Variants in MS4A12 observed in about 807,000 individuals in gnomAD.
MS4A12 encodes membrane spanning 4-domains A12.
Under a neutral mutation model 23.7 loss-of-function variants are expected in MS4A12, and 28 were observed. The observed-to-expected ratio is 1.18, with a 90% CI of 0.88 to 1.62. The LOEUF is 1.62. Among genes scored for constraint, MS4A12 ranks in the 40% most tolerant of loss-of-function variants. The probability of loss-of-function intolerance (pLI) is 0.00; values close to 1 mark genes in which losing one functional copy is unlikely to be tolerated. For missense variants in MS4A12, 342 were observed against 327.0 expected (o/e 1.05, Z -0.35); for synonymous variants, 108 against 110.1 (o/e 0.98, Z 0.12).
chr11:60,506,764 T>C lies in MS4A12; in HGVS notation c.625T>C (p.Phe209Leu). The C allele has an allele frequency of 6.2e-7, 1 of 1,614,182 alleles. No homozygotes were observed. The highest frequency in any genetic ancestry group is 1.7e-5 in the Admixed American group (1 of 60,032). ...GKGISATLMI[F>L]SLLEFFVACA... ...AGGCATTTCAGCCACGCTGATGATC[T>C]TCTCCCTCTTGGAGTTCTTCGTAGC... Residue 209 changes from phenylalanine to leucine, a missense_variant, in exon 6 of 7, where the codon TTC becomes CTC. Physicochemically the swap from Phe to Leu is conservative, Grantham distance 22 (BLOSUM62 0). Coordinates refer to ENST00000016913, the MANE Select transcript of MS4A12 (RefSeq NM_017716.3).
At chr11:60,496,283 A>C (rs2135226854) in intron 1 of MS4A12, among the ~76,000 whole-genome samples, 1 of 152,352 alleles carries the variant, frequency 6.6e-6, no homozygotes, top group Middle Eastern at 3.4e-3. Context: ...CTTGATATTC[A>C]TAAGCACAAG....
intron 2 of MS4A12, chr11:60,497,858 C>G: frequency 2.8e-6 from 1 of 352,984 alleles, no homozygotes; most frequent in Non-Finnish European, 5.1e-6. Context: ...TTACATCTAG[C>G]TTGATCTCAT....
At chr11:60,499,735 G>A (rs1228632611) in intron 2 of MS4A12, among the ~76,000 whole-genome samples, 2 of 152,140 alleles carry the variant, frequency 1.3e-5, no homozygotes, top group African/African-American at 4.8e-5. Context: ...AGCAGTCTTT[G>A]TATTTGCAGT....
At chr11:60,497,141 C>T (rs1054932414) in intron 1 of MS4A12, among the ~76,000 whole-genome samples, 172 bp from the exon 2 acceptor site, 16 of 152,142 alleles carry the variant, frequency 1.1e-4, no homozygotes, top group African/African-American at 3.4e-4. Context: ...CAGTCCTTGG[C>T]GTGGGGGTTG....
At chr11:60,504,072 G>A (rs145543512) in intron 5 of MS4A12, among the ~76,000 whole-genome samples, 1,524 of 152,278 alleles carry the variant, frequency 0.01, 87 homozygotes, top group Admixed American at 0.09. Context: ...GGAAGGGTTT[G>A]GATAGGCCTC....
At chr11:60,502,549 T>C (rs1212920670) in intron 4 of MS4A12, among the ~76,000 whole-genome samples, 1 of 152,236 alleles carries the variant, frequency 6.6e-6, no homozygotes, top group Non-Finnish European at 1.5e-5. Context: ...AAGAAGAGTT[T>C]ATAAAAATGA....
intron 2 of MS4A12, among the ~76,000 whole-genome samples, chr11:60,499,883 A>G (rs1037938407): frequency 6.6e-6 from 1 of 152,244 alleles, no homozygotes; most frequent in African/African-American, 2.4e-5. Context: ...TAAGAGGTAC[A>G]AGGAGGTAAA....
intron 5 of MS4A12, among the ~76,000 whole-genome samples, chr11:60,504,686 A>C (rs1453951830): frequency 1.3e-5 from 2 of 152,210 alleles, no homozygotes; most frequent in African/African-American, 2.4e-5. Flanking sequence ...CAATATTTTG[A>C]ACAAATAACC....
chr11:60,502,385 G>C (rs2086537847), intron 4 of MS4A12, among the ~76,000 whole-genome samples: 1 of 152,188 alleles, frequency 6.6e-6, no homozygotes, highest in Admixed American at 6.5e-5. Context: ...ATACATACTA[G>C]ACACATCAGT....
Position 60,502,017 on chromosome 11 carries a change from C to T in MS4A12, c.449C>T (p.Ser150Phe). 6.2e-7 allele frequency: 1 copy of T among 1,613,076 alleles called. No individual in the cohort carries two copies. Among genetic ancestry groups the T allele is most frequent in the East Asian group, 2.2e-5 (1 of 44,876 alleles). ...TCTGGCTCTCTCTCTGTGTCAGCAT[C>T]CAAGGAGCTTTCCCGTTGTCTGGTA... ...IISGSLSVSA[S>F]KELSRCLVKG... Residue 150 changes from serine to phenylalanine, a missense_variant, in exon 4 of 7, where the codon TCC becomes TTC. Physicochemically the swap from Ser to Phe is radical, Grantham distance 155. Coordinates refer to ENST00000016913, the MANE Select transcript of MS4A12 (RefSeq NM_017716.3).
intron 5 of MS4A12, among the ~76,000 whole-genome samples, chr11:60,504,868 C>T (rs369721128): frequency 4.6e-5 from 7 of 152,238 alleles, no homozygotes; most frequent in South Asian, 4.1e-4. Flanking sequence ...CCATCAGATG[C>T]GTGTCCCCTA....
At chr11:60,495,003 T>C (rs2086477238) in intron 1 of MS4A12, among the ~76,000 whole-genome samples, 2 of 151,978 alleles carry the variant, frequency 1.3e-5, no homozygotes, top group Non-Finnish European at 2.9e-5. Context: ...TACATTTTTT[T>C]TTTTTTTGAG....
At chr11:60,502,799 T>C (rs1267359175) in intron 4 of MS4A12, among the ~76,000 whole-genome samples, 1 of 152,106 alleles carries the variant, frequency 6.6e-6, no homozygotes, top group African/African-American at 2.4e-5. Flanking sequence ...TTAAATCAAA[T>C]TAAAATAAAA....
intron 1 of MS4A12, among the ~76,000 whole-genome samples, chr11:60,494,444 T>G (rs909811594): frequency 1.3e-5 from 2 of 152,212 alleles, no homozygotes; most frequent in Non-Finnish European, 2.9e-5. Context: ...AATTCTTTAA[T>G]TGTATGCTTT....
chr11:60,495,587 C>G (rs1460239373), intron 1 of MS4A12, among the ~76,000 whole-genome samples: 5 of 152,048 alleles, frequency 3.3e-5, no homozygotes, highest in Admixed American at 2.0e-4. Flanking sequence ...AATACTCAAA[C>G]TGACTCTCTA....
chr11:60,498,528 C>T (rs1220307225), intron 2 of MS4A12, among the ~76,000 whole-genome samples: 2 of 152,106 alleles, frequency 1.3e-5, no homozygotes, highest in African/African-American at 4.8e-5. Flanking sequence ...ACTAACACCC[C>T]ATACAGCCAG....
At chr11:60,498,781 C>T (rs1478370122) in intron 2 of MS4A12, among the ~76,000 whole-genome samples, 1 of 152,158 alleles carries the variant, frequency 6.6e-6, no homozygotes, top group Admixed American at 6.5e-5. Flanking sequence ...TAGAACATGA[C>T]ATTTGAGCAA....
chr11:60,505,597 G>T (rs1163900459), intron 5 of MS4A12, among the ~76,000 whole-genome samples: 1 of 152,090 alleles, frequency 6.6e-6, no homozygotes, highest in African/African-American at 2.4e-5. Context: ...CTGAAAAAAA[G>T]CACAGCTTTT....
intron 4 of MS4A12, among the ~76,000 whole-genome samples, chr11:60,503,141 G>A (rs185610966): frequency 2.1e-4 from 32 of 152,214 alleles, no homozygotes; most frequent in Admixed American, 8.5e-4. Context: ...TTTTGTAGTC[G>A]CCCATACACC....
Sources: allele counts gnomAD v4.1 joint callset (sites outside exome capture counted in the v4.1 genomes callset), GRCh38; gene constraint gnomAD v4.1.1; transcripts MANE v1.5; gene names NCBI Gene and HGNC (gene_info 2026-07-23, HGNC 2026-07-21).